DOCK5: variants seen among roughly 807,000 people sequenced by gnomAD.
The protein encoded by DOCK5 is dedicator of cytokinesis 5, also known as dedicator of cytokinesis protein 5.
DOCK5 carries 142 observed loss-of-function variants against 251.8 expected under a neutral mutation model. That is an observed-to-expected ratio of 0.56 (90% CI 0.49 to 0.65). The LOEUF is 0.65. DOCK5 is among the 30% of genes least tolerant of loss of function. DOCK5 has a pLI of 0.00. For synonymous variants in DOCK5, 842 were observed against 835.5 expected (o/e 1.01, Z -0.13); for missense variants, 2,111 against 2,312.3 (o/e 0.91, Z 1.79).
At chr8:25,371,170 T>C (rs966508943) in intron 34 of DOCK5, among the ~76,000 whole-genome samples, 1 of 152,132 alleles carries the variant, frequency 6.6e-6, no homozygotes, top group East Asian at 1.9e-4. Context: ...GTATTCTTTT[T>C]TGAAGATTCT....
chr8:25,278,662 C>A lies in DOCK5; in HGVS notation c.318C>A (p.Tyr106Ter), dbSNP rs768183204. The A allele has an allele frequency of 6.2e-7, 1 of 1,613,758 alleles. No individual in the cohort carries two copies. The highest frequency in any genetic ancestry group is 8.5e-7 in the Non-Finnish European group (1 of 1,179,806). ...GGGCTGTCATCTGGCGAAAGCTCTA[C>A]GTGGTGAGTTTCCCCTTGTGGCTTG... ...REWAVIWRKL[Y>*]VNNKLTLFRQ... Residue 106 changes from tyrosine to a stop codon, truncating the protein, a stop_gained, in exon 5 of 52, where the codon TAC (tyrosine) becomes TAA (stop). Transcript: ENST00000276440. LOFTEE classifies it high-confidence loss of function.
intron 2 of DOCK5, among the ~76,000 whole-genome samples, chr8:25,268,064 T>C (rs1344259388): frequency 2.6e-5 from 4 of 152,122 alleles, no homozygotes; most frequent in Non-Finnish European, 4.4e-5. Flanking sequence ...GGTTTCACTA[T>C]GTTGGCCAGG....
Position 25,341,809 on chromosome 8 carries a change from G to T in DOCK5, c.2510G>T (p.Ser837Ile). ...CTTGTATTTGATCCTGTTGAGCTCA[G>T]GTAAATAGCAAAACAAAATTTTGTT... is the stretch of plus-strand genomic sequence containing the variant. ...VKLVFDPVEL[S>I]VLFCKFIQSI... Residue 837 changes from serine to isoleucine, a missense_variant and splice_region_variant, in exon 24 of 52, where the codon AGC (serine) becomes ATC (isoleucine). Physicochemically the swap from Ser to Ile is moderately radical, Grantham distance 142. Around this residue, in one of 3 missense-constraint regions of DOCK5, gnomAD observed 1,717 missense variants for 1,892.4 expected, o/e 0.91. Coordinates refer to ENST00000276440, the MANE Select transcript of DOCK5 (RefSeq NM_024940.8). 2 of 1,562,684 alleles carry T rather than the reference G, an allele frequency of 1.3e-6. No homozygotes were observed. The highest frequency in any genetic ancestry group is 1.7e-6 in the Non-Finnish European group (2 of 1,151,972).
chr8:25,241,213 A>C (rs1802933627), intron 1 of DOCK5, among the ~76,000 whole-genome samples: 1 of 152,196 alleles, frequency 6.6e-6, no homozygotes, highest in African/African-American at 2.4e-5. Flanking sequence ...ACGGTGGCTC[A>C]CGCCTGTAAT....
intron 1 of DOCK5, among the ~76,000 whole-genome samples, chr8:25,243,134 G>A (rs74789801): frequency 0.02 from 3,014 of 152,164 alleles, 42 homozygotes; most frequent in Middle Eastern, 0.051. Flanking sequence ...GTTCCCTGGG[G>A]ACAGGGGCCA....
At chr8:25,298,710 G>C (rs993713343) in intron 7 of DOCK5, among the ~76,000 whole-genome samples, 4 of 151,982 alleles carry the variant, frequency 2.6e-5, no homozygotes, top group Non-Finnish European at 5.9e-5. Context: ...AGGTAGCTGG[G>C]ACTACAGGCA....
chr8:25,354,038 A>G (rs1800518875), intron 27 of DOCK5, among the ~76,000 whole-genome samples: 1 of 91,214 alleles, frequency 1.1e-5, no homozygotes, highest in Non-Finnish European at 2.4e-5. Context: ...AAAAAAAAAA[A>G]AAAAAAAAAA....
chr8:25,398,162 C>T (rs1022398355), intron 45 of DOCK5, among the ~76,000 whole-genome samples: 2 of 152,180 alleles, frequency 1.3e-5, no homozygotes, highest in African/African-American at 2.4e-5. Context: ...GGGCTCTCTG[C>T]TCCAGTGTTC....
Position 25,377,397 on chromosome 8 carries a change from A to T in DOCK5, c.3909A>T (p.Glu1303Asp). 2 of 1,613,820 alleles carry T rather than the reference A, an allele frequency of 1.2e-6. No individual in the cohort carries two copies. The highest frequency in any genetic ancestry group is 1.7e-6 in the Non-Finnish European group (2 of 1,179,758). The change falls in exon 38 of 52, where the codon GAA becomes GAT. Residue 1303 changes from glutamate (E) to aspartate (D), a missense_variant. By Grantham distance (45) the Glu-to-Asp change is conservative (BLOSUM62 2). This residue lies in a region of DOCK5 where 1,717 missense variants were observed against 1,892.4 expected (regional missense o/e 0.91). Coordinates refer to ENST00000276440, the MANE Select transcript of DOCK5 (RefSeq NM_024940.8). ...AGCTTAAAGAGAAGCTGTATCAAGA[A>T]ATCATATCATATTTCGACAAAGGCA... ...QQELKEKLYQ[E>D]IISYFDKGKM... is the part of the protein sequence containing the mutation.
intron 18 of DOCK5, among the ~76,000 whole-genome samples, chr8:25,329,898 G>C (rs1805643626): frequency 6.6e-6 from 1 of 152,142 alleles, no homozygotes; most frequent in Non-Finnish European, 1.5e-5. Context: ...CAGCAAGCAT[G>C]GGGCTCTTTC....
At chr8:25,299,992 G>A (rs1324589994) in intron 8 of DOCK5, among the ~76,000 whole-genome samples, 1 of 151,934 alleles carries the variant, frequency 6.6e-6, no homozygotes, top group East Asian at 1.9e-4. Flanking sequence ...GTACAGGCCC[G>A]CATCCTGGGT....
intron 13 of DOCK5, among the ~76,000 whole-genome samples, chr8:25,315,501 C>T (rs375915324): frequency 3.9e-5 from 6 of 152,158 alleles, no homozygotes; most frequent in East Asian, 1.9e-4. Context: ...ACCCAGCACA[C>T]GCCTGCTGCA....
rs1052773899 is a variant in DOCK5 at position 25,410,264 on chromosome 8, G to A, written c.5508+62G>A. 34 of 1,439,012 alleles carry A rather than the reference G, an allele frequency of 2.4e-5. No homozygotes were observed. The African/African-American group carries it at 4.6e-4, about 20-fold the overall frequency. 89.1% of individuals were successfully genotyped at this position (1,439,012 alleles called of 1,614,324 possible). A position where few individuals can be genotyped will look rare whatever the true frequency, so the allele number is the denominator to read the frequency against. ...CGCCACTCCTGGGAAGGCAGCATCA[G>A]GTTTTCCAGGCTCTTTAGTGGGCAG... On this transcript the variant is annotated intron_variant, in intron 51 of 51. Transcript: ENST00000276440.
Position 25,292,053 on chromosome 8 carries a change from G to A in DOCK5, c.351G>A (p.Leu117=). The A allele has an allele frequency of 6.2e-7, 1 of 1,601,864 alleles. No homozygotes were observed. Among genetic ancestry groups the A allele is most frequent in the South Asian group, 1.1e-5 (1 of 88,646 alleles). ...ACAAGCTCACCCTCTTCCGCCAGCT[G>A]CAGCAGATGACGTACAGCCTGATCG... ...VNNKLTLFRQ[L]QQMTYSLIEW... Residue 117 remains leucine, a synonymous_variant, in exon 6 of 52, where the codon CTG becomes CTA. Transcript: ENST00000276440.
chr8:25,372,535 T>C, intron 34 of DOCK5, 24 bp from the exon 35 acceptor site: 1 of 1,551,234 alleles, frequency 6.4e-7, no homozygotes. Context: ...ACCTGGGCTT[T>C]TGTCTCTCCC....
intron 7 of DOCK5, among the ~76,000 whole-genome samples, chr8:25,297,132 T>C (rs1288879022): frequency 6.6e-6 from 1 of 152,162 alleles, no homozygotes; most frequent in Non-Finnish European, 1.5e-5. Flanking sequence ...TCTTGCTCTG[T>C]TGCCCAGGCT....
At chr8:25,255,868 T>C (rs546049700) in intron 2 of DOCK5, among the ~76,000 whole-genome samples, 1 of 152,338 alleles carries the variant, frequency 6.6e-6, no homozygotes, top group South Asian at 2.1e-4. Flanking sequence ...TTTTTAAGCA[T>C]ATAAGGAGAC....
chr8:25,401,529 TC>T (rs1801438109), intron 47 of DOCK5, among the ~76,000 whole-genome samples: 1 of 152,100 alleles, frequency 6.6e-6, no homozygotes, highest in Non-Finnish European at 1.5e-5. Flanking sequence ...GGTCAGGAGT[TC>T]GAGACCAGCC....
intron 1 of DOCK5, among the ~76,000 whole-genome samples, chr8:25,232,806 G>A (rs913632368): frequency 2.6e-5 from 4 of 152,036 alleles, no homozygotes; most frequent in Non-Finnish European, 4.4e-5. Context: ...CTGCACTACC[G>A]AGTACTTAGT....
Sources: gnomAD v4.1 joint callset for allele counts (sites outside exome capture counted in the v4.1 genomes callset) on GRCh38, gnomAD v4.1.1 for gene constraint, gnomAD v4.1.1 regional missense constraint, MANE v1.5 for transcripts, NCBI Gene and HGNC (gene_info 2026-07-23, HGNC 2026-07-21) for gene names.